ZNF44: variants seen among roughly 807,000 people sequenced by gnomAD.
ZNF44 encodes gonadotropin inducible transcription repressor-2.
In ZNF44, 9 loss-of-function variants were observed where a neutral mutation model predicts 11.7. The observed-to-expected ratio is 0.77, with a 90% CI of 0.46 to 1.35. The LOEUF is 1.35. Among genes scored for constraint, ZNF44 ranks in the 40% most tolerant of loss-of-function variants. The pLI is 0.00. For missense variants in ZNF44, 696 were observed against 743.1 expected, an observed-to-expected ratio of 0.94 and a Z score of 0.74; for synonymous variants, 224 against 242.7, an observed-to-expected ratio of 0.92 and a Z score of 0.72.
At position 12,284,345 on chromosome 19, in the gene ZNF44, T is replaced by C. The variant is rs1254161219; in HGVS notation, c.4-8263A>G. On this transcript the variant is annotated intron_variant, in intron 1 of 3. Coordinates refer to ENST00000355684, the MANE Select transcript of ZNF44 (RefSeq NM_016264.4). ...CTCCAAGAAAACACCAAATGGCTGA[T>C]GACGCAGGTGCAGCGCGGGGGTCCA... is the stretch of plus-strand genomic sequence containing the variant. The C allele has an allele frequency of 1.9e-5, 10 of 531,376 alleles. No individual in the cohort carries two copies. The Admixed American group carries it at 2.5e-4, about 13-fold the overall frequency. The allele number at this position is 531,376 out of a possible 1,614,324, so 32.9% of individuals were successfully genotyped here. A position where few individuals can be genotyped will look rare whatever the true frequency, so the allele number is the denominator to read the frequency against.
At chr19:12,262,206 A>G (rs1917534415) in intron 5 of ZNF44, among the ~76,000 whole-genome samples, 1 of 152,218 alleles carries the variant, frequency 6.6e-6, no homozygotes, top group South Asian at 2.1e-4. Context: ...TTTCCATCGT[A>G]TCATTAAAAT....
At chr19:12,240,874 A>T (rs541864235), upstream of ZNF44, among the ~76,000 whole-genome samples, 1 of 152,250 alleles carries the variant, frequency 6.6e-6, no homozygotes, top group Non-Finnish European at 1.5e-5. Flanking sequence ...ATGACATTGG[A>T]TTTAACAATC....
chr19:12,275,243 CTTAG>C (rs891367646), intron 2 of ZNF44, among the ~76,000 whole-genome samples: 3 of 152,288 alleles, frequency 2.0e-5, no homozygotes, highest in East Asian at 1.9e-4. Context: ...AACCCCTCTT[CTTAG>C]TTAGCCTACT....
intron 5 of ZNF44, among the ~76,000 whole-genome samples, chr19:12,251,311 C>T (rs1247841933): frequency 2.1e-5 from 3 of 140,546 alleles, no homozygotes; most frequent in African/African-American, 2.9e-5. Context: ...GCCTGGGCAA[C>T]GGAGCGAGAC....
At chr19:12,257,652 T>C (rs780427244) in intron 5 of ZNF44, among the ~76,000 whole-genome samples, 16 of 151,576 alleles carry the variant, frequency 1.1e-4, no homozygotes, top group Non-Finnish European at 2.1e-4. Context: ...AATATAAAAA[T>C]TAACCGGGCG....
chr19:12,273,061 A>G lies in ZNF44; in HGVS notation c.1194T>C (p.Cys398=). The change falls in exon 4 of 4, where the codon TGT becomes TGC. Residue 398 remains cysteine, a synonymous_variant. Transcript: ENST00000355684. ...TGDGPHKCTV[C]GKAFDSPSVF... is the part of the protein sequence containing the mutation. Reference sequence around the variant, plus strand: ...CACTAGGAGAATCAAAGGCTTTCCCACATACTGTGCATTTATGAGGGCCAT... The same window carrying G: ...CACTAGGAGAATCAAAGGCTTTCCCGCATACTGTGCATTTATGAGGGCCAT... The G allele has an allele frequency of 2.5e-6, 4 of 1,613,906 alleles. No homozygotes were observed. Among genetic ancestry groups the G allele is most frequent in the Non-Finnish European group, 3.4e-6 (4 of 1,179,920 alleles).
At chr19:12,235,511 AG>A (rs2145679423) in intron 1 of ZNF44, among the ~76,000 whole-genome samples, 1 of 152,352 alleles carries the variant, frequency 6.6e-6, no homozygotes, top group East Asian at 1.9e-4. Flanking sequence ...TACATTACAA[AG>A]GTGGAAAACT....
At chr19:12,252,407 G>T (rs531939573) in intron 5 of ZNF44, among the ~76,000 whole-genome samples, 2 of 152,320 alleles carry the variant, frequency 1.3e-5, no homozygotes, top group African/African-American at 4.8e-5. Context: ...CACCTGCTTT[G>T]CAAGAAATGT....
chr19:12,233,943 T>C (rs1916271524), intron 2 of ZNF44, among the ~76,000 whole-genome samples: 1 of 151,798 alleles, frequency 6.6e-6, no homozygotes, highest in Non-Finnish European at 1.5e-5. Flanking sequence ...GCACCTGTAA[T>C]CCCAGCTACG....
Position 12,273,968 on chromosome 19 carries a change from G to C in ZNF44, c.287C>G (p.Thr96Ser), listed in dbSNP as rs777103843. ...TCCACATGCATCTACTCTGGCGGGA[G>C]TGTTCTTGTTTACAATACTATTTCG... Reference protein sequence around the residue: ...QIRNSIVNKNTPARVDACGSS... With the variant: ...QIRNSIVNKNSPARVDACGSS... Residue 96 changes from threonine (T) to serine (S), a missense_variant, in exon 4 of 4, where the codon ACT becomes AGT. Coordinates refer to ENST00000355684, the MANE Select transcript of ZNF44 (RefSeq NM_016264.4). The C allele has an allele frequency of 1.9e-6, 3 of 1,614,094 alleles. No individual in the cohort carries two copies. The highest frequency in any genetic ancestry group is 1.1e-5 in the South Asian group (1 of 91,084).
downstream of ZNF44, among the ~76,000 whole-genome samples, chr19:12,268,183 A>ACACACAC (rs1568438456): frequency 4.9e-5 from 3 of 60,622 alleles, no homozygotes; most frequent in Non-Finnish European, 3.4e-5. Flanking sequence ...CACACACACA[A>ACACACAC]GCTCCTTCCC....
intron 1 of ZNF44, among the ~76,000 whole-genome samples, chr19:12,294,380 C>CT (rs1420405511): frequency 6.6e-6 from 1 of 152,256 alleles, no homozygotes; most frequent in African/African-American, 2.4e-5. Flanking sequence ...GTGACTTGGG[C>CT]TGCGAACCTG....
chr19:12,274,152 AG>A, intron 3 of ZNF44, 89 bp from the exon 4 acceptor site: 4 of 1,211,408 alleles, frequency 3.3e-6, no homozygotes, highest in Middle Eastern at 2.2e-4. Flanking sequence ...TAACATTATC[AG>A]GCAAGCTATA....
intron 2 of ZNF44, among the ~76,000 whole-genome samples, chr19:12,234,056 T>C (rs1366243768): frequency 6.1e-5 from 9 of 146,692 alleles, no homozygotes. Flanking sequence ...AGTGAGACTC[T>C]GTCTTAAAAA....
intron 1 of ZNF44, among the ~76,000 whole-genome samples, chr19:12,289,450 A>G (rs1425597107): frequency 6.6e-6 from 1 of 152,098 alleles, no homozygotes; most frequent in Non-Finnish European, 1.5e-5. Context: ...AACAGGCTTG[A>G]GTCAGGGTAA....
chr19:12,251,086 C>A (rs1916972019), intron 5 of ZNF44, among the ~76,000 whole-genome samples: 1 of 151,988 alleles, frequency 6.6e-6, no homozygotes, highest in Admixed American at 6.6e-5. Flanking sequence ...AATCCCAGCA[C>A]TTTGGGAGAC....
intron 5 of ZNF44, among the ~76,000 whole-genome samples, chr19:12,253,736 T>C (rs1248904286): frequency 6.6e-6 from 1 of 151,614 alleles, no homozygotes; most frequent in Non-Finnish European, 1.5e-5. Flanking sequence ...TCCCAGCACT[T>C]TGGGGATGCT....
At chr19:12,236,192 C>T (rs976003130) in intron 1 of ZNF44, among the ~76,000 whole-genome samples, 1 of 152,174 alleles carries the variant, frequency 6.6e-6, no homozygotes, top group Non-Finnish European at 1.5e-5. Flanking sequence ...TTCATACAAA[C>T]CCTAGAAGGG....
At position 12,260,659 on chromosome 19, in the gene ZNF44, G is replaced by C. The variant is rs1259512707; in HGVS notation, c.1913-10291C>G. 5 of 593,804 alleles carry C rather than the reference G, an allele frequency of 8.4e-6. No homozygotes were observed. In the East Asian group the frequency reaches 1.4e-4, roughly 17 times the overall value. The allele number at this position is 593,804 out of a possible 1,614,324, so 36.8% of individuals were successfully genotyped here. A position where few individuals can be genotyped will look rare whatever the true frequency, so the allele number is the denominator to read the frequency against. ...AAAAACACAGGTAGGTCCTTGCCCAGGATGTAAACCCAGGACCACTTTAAG... is the reference window on the plus strand; with the variant it reads ...AAAAACACAGGTAGGTCCTTGCCCACGATGTAAACCCAGGACCACTTTAAG... On this transcript the variant is annotated intron_variant and NMD_transcript_variant, in intron 5 of 7. Transcript: ENST00000393337.
Sources: allele counts gnomAD v4.1 joint callset (sites outside exome capture counted in the v4.1 genomes callset), GRCh38; gene constraint gnomAD v4.1.1; transcripts MANE v1.5; gene names NCBI Gene and HGNC (gene_info 2026-07-23, HGNC 2026-07-21).